The following TBC1D5 variants were observed in gnomAD, a reference collection of about 807,000 sequenced individuals.
TBC1D5 encodes the protein TBC1 domain family, member 5.
In TBC1D5, 75 loss-of-function variants were observed where a neutral mutation model predicts 100.3. That is an observed-to-expected ratio of 0.75 (90% CI 0.62 to 0.91). The LOEUF (loss-of-function observed/expected upper bound fraction) is 0.91, where lower values mean the gene tolerates loss of function less well. Among genes scored for constraint, TBC1D5 ranks in the 40% least tolerant of loss-of-function variants. The pLI, the probability that TBC1D5 is intolerant of heterozygous loss-of-function variation, is 0.00. For synonymous variants in TBC1D5, 323 were observed against 325.6 expected, an observed-to-expected ratio of 0.99 and a Z score of 0.09; for missense variants, 910 against 942.4, an observed-to-expected ratio of 0.97 and a Z score of 0.45.
chr3:17,709,652 A>G (rs1489203716), intron 1 of TBC1D5, among the ~76,000 whole-genome samples: 1 of 152,236 alleles, frequency 6.6e-6, no homozygotes, highest in Non-Finnish European at 1.5e-5. Flanking sequence ...TAACATAACC[A>G]GACTAGAAAG....
chr3:17,167,022 CATCA>C (rs1489015774), intron 20 of TBC1D5, 94 bp from the exon 22 acceptor site: 22 of 1,157,382 alleles, frequency 1.9e-5, no homozygotes, highest in African/African-American at 1.7e-4. Context: ...CTAGCCTTGT[CATCA>C]ATCATTTTTT....
chr3:17,194,310 C>T (rs1471378916), intron 18 of TBC1D5, among the ~76,000 whole-genome samples: 1 of 152,086 alleles, frequency 6.6e-6, no homozygotes, highest in Non-Finnish European at 1.5e-5. Context: ...GGTGACAGTC[C>T]GAAAGACCTC....
At chr3:17,384,660 G>T (rs1379831160) in intron 8 of TBC1D5, among the ~76,000 whole-genome samples, 1 of 151,888 alleles carries the variant, frequency 6.6e-6, no homozygotes, top group African/African-American at 2.4e-5. Context: ...TTTTAGGAGA[G>T]GAGGAACATG....
intron 13 of TBC1D5, among the ~76,000 whole-genome samples, chr3:17,330,771 A>G (rs1244119006): frequency 6.6e-6 from 1 of 152,108 alleles, no homozygotes; most frequent in East Asian, 1.9e-4. Context: ...CATAACCTGG[A>G]TGCCCTACAA....
At chr3:17,168,135 G>A (rs188691236) in intron 19 of TBC1D5, among the ~76,000 whole-genome samples, 44 of 152,202 alleles carry the variant, frequency 2.9e-4, no homozygotes, top group African/African-American at 9.9e-4. Flanking sequence ...TGACAGCCTG[G>A]GCCATTCATC....
intron 4 of TBC1D5, among the ~76,000 whole-genome samples, chr3:17,411,898 C>T (rs2093936118): frequency 1.3e-5 from 2 of 152,082 alleles, no homozygotes; most frequent in Admixed American, 6.6e-5. Flanking sequence ...TAAGGCATAA[C>T]ATCTCAAACT....
chr3:17,387,773 G>T (rs1453910712), intron 8 of TBC1D5, among the ~76,000 whole-genome samples: 1 of 150,358 alleles, frequency 6.7e-6, no homozygotes, highest in Non-Finnish European at 1.5e-5. Flanking sequence ...TAAAAGCACA[G>T]AATACTAACC....
chr3:17,341,253 G>C (rs781085480), intron 13 of TBC1D5, among the ~76,000 whole-genome samples: 2 of 152,088 alleles, frequency 1.3e-5, no homozygotes, highest in South Asian at 2.1e-4. Flanking sequence ...CTGGAGTGCA[G>C]TGGCATGATC....
chr3:17,614,353 T>C (rs906737239), intron 2 of TBC1D5, among the ~76,000 whole-genome samples: 4 of 152,244 alleles, frequency 2.6e-5, no homozygotes, highest in Admixed American at 1.3e-4. Context: ...TCGCTTACGA[T>C]TGTCTTCGCA....
chr3:17,644,535 G>T (rs776465120), intron 1 of TBC1D5, among the ~76,000 whole-genome samples: 2 of 152,152 alleles, frequency 1.3e-5, no homozygotes, highest in African/African-American at 2.4e-5. Flanking sequence ...AGTAAGTACT[G>T]ACAACAATCC....
intron 2 of TBC1D5, among the ~76,000 whole-genome samples, chr3:17,560,290 T>A (rs192856879): frequency 2.0e-5 from 3 of 152,246 alleles, no homozygotes; most frequent in African/African-American, 7.2e-5. Flanking sequence ...AAGAAAGGGC[T>A]GGAGGGAAAA....
intron 1 of TBC1D5, among the ~76,000 whole-genome samples, chr3:17,673,009 T>C (rs1362916436): frequency 6.6e-6 from 1 of 152,040 alleles, no homozygotes; most frequent in Non-Finnish European, 1.5e-5. Context: ...CAACCAGGTG[T>C]AAAAAATCAC....
At chr3:17,305,122 T>C (rs956684668) in intron 14 of TBC1D5, among the ~76,000 whole-genome samples, 2 of 152,190 alleles carry the variant, frequency 1.3e-5, no homozygotes, top group African/African-American at 4.8e-5. Context: ...AGGTATCCAA[T>C]GACTGTCCCT....
intron 3 of TBC1D5, among the ~76,000 whole-genome samples, chr3:17,500,281 A>G (rs1300999723): frequency 6.7e-6 from 1 of 149,606 alleles, no homozygotes; most frequent in Admixed American, 6.6e-5. Flanking sequence ...AAACATCAGA[A>G]GTAAGACCAG....
chr3:17,429,479 A>T (rs1007105104), intron 3 of TBC1D5, among the ~76,000 whole-genome samples: 25 of 151,884 alleles, frequency 1.6e-4, no homozygotes, highest in Admixed American at 2.0e-4. Flanking sequence ...TTCAAACATC[A>T]GGTTGTATTT....
At chr3:17,209,365 G>A (rs1165292682) in intron 18 of TBC1D5, among the ~76,000 whole-genome samples, 1 of 152,136 alleles carries the variant, frequency 6.6e-6, no homozygotes. Context: ...TGCTCAGGCT[G>A]GTCTCGAACT....
chr3:17,352,683 C>CAAAAAAAAA lies in TBC1D5; in HGVS notation c.995+19383_995+19391dup, dbSNP rs1363926293. Among the ~76,000 whole-genome samples the CAAAAAAAAA allele has an allele frequency of 2.9e-3, 276 of 94,842 alleles. 2 individuals are homozygous for CAAAAAAAAA. The highest frequency in any genetic ancestry group is 3.9e-3 in the Non-Finnish European group (188 of 48,558). The allele number at this position is 94,842 out of a possible 152,430, so 62.2% of individuals were successfully genotyped here. On this transcript the variant is annotated intron_variant, in intron 13 of 21. Coordinates refer to ENST00000253692, the Ensembl canonical transcript of TBC1D5. ...TCTAACTACAATACAAAGCAAAAGG[C>CAAAAAAAAA]AAAAAAAAAAAAAAAACAAAAAAAC... is the stretch of plus-strand genomic sequence containing the variant.
intron 2 of TBC1D5, among the ~76,000 whole-genome samples, chr3:17,560,413 T>A (rs2096550897): frequency 6.6e-6 from 1 of 150,442 alleles, no homozygotes; most frequent in African/African-American, 2.5e-5. Context: ...AAGCCAGGAG[T>A]TCAAGACTAG....
At chr3:17,462,923 A>C (rs540250224) in intron 3 of TBC1D5, among the ~76,000 whole-genome samples, 1 of 152,178 alleles carries the variant, frequency 6.6e-6, no homozygotes, top group Non-Finnish European at 1.5e-5. Context: ...AAAGCAAAGC[A>C]CTAATGGGTG....
Sources: allele counts gnomAD v4.1 joint callset (sites outside exome capture counted in the v4.1 genomes callset), GRCh38; gene constraint gnomAD v4.1.1; transcripts MANE v1.5; gene names NCBI Gene and HGNC (gene_info 2026-07-23, HGNC 2026-07-21).